Variants in MYBPC1 observed in about 807,000 individuals in gnomAD.
MYBPC1 encodes myosin binding protein C1.
Under a neutral mutation model 147.1 loss-of-function variants are expected in MYBPC1, and 52 were observed. The ratio of observed to expected loss-of-function variants is 0.35; its 90% CI spans 0.28 to 0.45. The LOEUF is 0.45. Among genes scored for constraint, MYBPC1 ranks in the 20% least tolerant of loss-of-function variants. MYBPC1 has a pLI of 1.00. For missense variants in MYBPC1, 1,228 were observed against 1,440.3 expected (o/e 0.85, Z 2.39); for synonymous variants, 477 against 475.9 (o/e 1.00, Z -0.03).
intron 3 of MYBPC1, among the ~76,000 whole-genome samples, chr12:101,619,659 G>A (rs1886939699): frequency 6.6e-6 from 1 of 152,194 alleles, no homozygotes; most frequent in African/African-American, 2.4e-5. Context: ...AGACACTGCT[G>A]CAGAACAGAA....
At chr12:101,678,291 G>A (rs1055133213) in intron 28 of MYBPC1, 53 bp downstream of exon 28, 145 of 1,602,752 alleles carry the variant, frequency 9.0e-5, no homozygotes, top group Non-Finnish European at 1.1e-4. Context: ...TATTTGTTGT[G>A]TTATAATGTA....
rs1206495774 is a variant in MYBPC1 at position 101,681,555 on chromosome 12, CATATATATATATATATATATATAT to C, written c.3434-1034_3434-1011del. Among the ~76,000 whole-genome samples, 174 of 23,176 alleles carry C rather than the reference CATATATATATATATATATATATAT, an allele frequency of 7.5e-3. 13 individuals carry two copies. The highest frequency in any genetic ancestry group is 0.056 in the East Asian group (40 of 718). The allele number at this position is 23,176 out of a possible 152,430, so 15.2% of individuals were successfully genotyped here. A position where few individuals can be genotyped will look rare whatever the true frequency, so the allele number is the denominator to read the frequency against. ...GAAACTTCTTGAACAAAATAACTTT[CATATATATATATATATATATATAT>C]ATATATATATATATTTTTTTTTTTT... On this transcript the variant is annotated intron_variant, in intron 29 of 31. Transcript: ENST00000361466.
rs948386675 is a variant in MYBPC1, at chr12:101,626,751, T to C, written c.104-121T>C. 8 of 865,918 alleles carry C rather than the reference T, an allele frequency of 9.2e-6. No individual in the cohort carries two copies. In the Admixed American group the frequency reaches 1.4e-4, roughly 16 times the overall value. 53.6% of individuals were successfully genotyped at this position (865,918 alleles called of 1,614,324 possible). ...TTCAGGTACCAAGTTTTCTAAGGCT[T>C]GCTCAGCAGTTGAAAGTGTATTGTG... On this transcript the variant is annotated intron_variant, in intron 3 of 31. Transcript: ENST00000361466.
At chr12:101,626,088 C>CAAAA (rs769008600) in intron 3 of MYBPC1, among the ~76,000 whole-genome samples, 5,150 of 54,918 alleles carry the variant, frequency 0.094, 321 homozygotes, top group African/African-American at 0.14. Context: ...AACTCTGTCT[C>CAAAA]AAAAAAAAAA....
At chr12:101,679,110 C>G (rs546597274) in intron 28 of MYBPC1, among the ~76,000 whole-genome samples, 2 of 148,386 alleles carry the variant, frequency 1.3e-5, no homozygotes, top group African/African-American at 2.5e-5. Context: ...GATAGCACCA[C>G]TGCACTCTAG....
intron 30 of MYBPC1, 65 bp downstream of exon 30, chr12:101,682,727 C>A: frequency 7.1e-7 from 1 of 1,401,188 alleles, no homozygotes; most frequent in Non-Finnish European, 1.0e-6. Context: ...CATGAAAATG[C>A]ACCTTGCATG....
At chr12:101,687,188 A>AG (rs1429749542), downstream of MYBPC1, among the ~76,000 whole-genome samples, 1 of 151,914 alleles carries the variant, frequency 6.6e-6, no homozygotes, top group Admixed American at 6.6e-5. Flanking sequence ...CTCATCATTT[A>AG]CATTAGGTAT....
intron 18 of MYBPC1, among the ~76,000 whole-genome samples, 175 bp downstream of exon 18, chr12:101,653,423 T>G (rs951790957): frequency 4.6e-5 from 7 of 152,200 alleles, no homozygotes; most frequent in Non-Finnish European, 8.8e-5. Flanking sequence ...CAGGCAAATC[T>G]GATCATCATT....
At chr12:101,687,223 C>T (rs1437467073), downstream of MYBPC1, among the ~76,000 whole-genome samples, 1 of 151,966 alleles carries the variant, frequency 6.6e-6, no homozygotes, top group Non-Finnish European at 1.5e-5. Context: ...TCCCTCCCCG[C>T]TCCCCCCACC....
At chr12:101,668,403 C>G (rs1449249819) in intron 23 of MYBPC1, among the ~76,000 whole-genome samples, 2 of 152,136 alleles carry the variant, frequency 1.3e-5, no homozygotes, top group African/African-American at 4.8e-5. Context: ...GCCAGCCTTG[C>G]CTTCCTCACC....
chr12:101,606,430 T>G lies in MYBPC1; in HGVS notation c.26-8066T>G, dbSNP rs368746714. ...TAGGCAGCTCCTGAAGATCCCAGACTGTACTTTGAGAACCACTAATATAAA... is the reference window on the plus strand; with the variant it reads ...TAGGCAGCTCCTGAAGATCCCAGACGGTACTTTGAGAACCACTAATATAAA... On this transcript the variant is annotated intron_variant, in intron 1 of 31. Transcript: ENST00000361466. 2.6e-5 allele frequency among the ~76,000 whole-genome samples: 4 copies of G among 152,000 alleles called. No homozygotes were observed. The East Asian group carries it at 7.7e-4, about 29-fold the overall frequency.
Position 101,627,265 on chromosome 12 carries a change from C to G in MYBPC1, c.142+355C>G, listed in dbSNP as rs375205778. 1.4e-4 allele frequency among the ~76,000 whole-genome samples: 22 copies of G among 152,098 alleles called. 1 individual carries two copies. In the East Asian group the frequency reaches 1.5e-3, roughly 11 times the overall value. On this transcript the variant is annotated intron_variant, in intron 4 of 31. Coordinates refer to ENST00000361466, the MANE Select transcript of MYBPC1 (RefSeq NM_002465.4). ...AAAATTTTTCTTTTCTTTTTTGAGA[C>G]TGAGTCTCTCTCTATTGCCCAGGCT...
chr12:101,618,741 G>C (rs1238988851), intron 3 of MYBPC1, among the ~76,000 whole-genome samples: 1 of 152,084 alleles, frequency 6.6e-6, no homozygotes, highest in Admixed American at 6.6e-5. Flanking sequence ...CGTGATGAAA[G>C]AGCAAGGCTA....
chr12:101,670,475 G>C, intron 24 of MYBPC1, 66 bp downstream of exon 24: 1 of 1,316,450 alleles, frequency 7.6e-7, no homozygotes, highest in South Asian at 1.2e-5. Context: ...GTGGGAAGAG[G>C]TACTCTAGCA....
At chr12:101,598,667 A>G (rs938252424) in intron 1 of MYBPC1, among the ~76,000 whole-genome samples, 2 of 152,090 alleles carry the variant, frequency 1.3e-5, no homozygotes, top group African/African-American at 4.8e-5. Flanking sequence ...TCTGCCTCCC[A>G]GGCTCAAGCA....
Position 101,685,719 on chromosome 12 carries a change from C to T in MYBPC1, c.*157C>T. 1 of 1,386,188 alleles carries T rather than the reference C, an allele frequency of 7.2e-7. No individual in the cohort carries two copies. Among genetic ancestry groups the T allele is most frequent in the South Asian group, 1.3e-5 (1 of 76,022 alleles). 85.9% of individuals were successfully genotyped at this position (1,386,188 alleles called of 1,614,324 possible). A position where few individuals can be genotyped will look rare whatever the true frequency, so the allele number is the denominator to read the frequency against. Reference sequence around the variant, plus strand: ...GCTACTGTCTCTCTGCACTCTGCTGCTTTGAAATCTGGTTGAAATGAGAAA... The same window carrying T: ...GCTACTGTCTCTCTGCACTCTGCTGTTTTGAAATCTGGTTGAAATGAGAAA... On this transcript the variant is annotated 3_prime_UTR_variant, in exon 32 of 32. Transcript: ENST00000361466.
At chr12:101,679,956 A>G (rs901586680) in intron 28 of MYBPC1, among the ~76,000 whole-genome samples, 31 of 152,244 alleles carry the variant, frequency 2.0e-4, no homozygotes, top group Admixed American at 1.8e-3. Flanking sequence ...TGATATATGT[A>G]CACATTGTGT....
chr12:101,657,404 T>G (rs1226896103), intron 18 of MYBPC1, among the ~76,000 whole-genome samples: 1 of 152,082 alleles, frequency 6.6e-6, no homozygotes, highest in Non-Finnish European at 1.5e-5. Context: ...AATAGAGAAA[T>G]TAACAAAAGC....
intron 15 of MYBPC1, among the ~76,000 whole-genome samples, chr12:101,650,111 T>C (rs980583085): frequency 6.6e-6 from 1 of 152,366 alleles, no homozygotes; most frequent in Non-Finnish European, 1.5e-5. Flanking sequence ...CATTTTAGTT[T>C]AACATCAAGA....
Sources: gnomAD v4.1 joint callset for allele counts (sites outside exome capture counted in the v4.1 genomes callset) on GRCh38, gnomAD v4.1.1 for gene constraint, MANE v1.5 for transcripts, NCBI Gene and HGNC (gene_info 2026-07-23, HGNC 2026-07-21) for gene names.